The following DAB1 variants were observed in gnomAD, a reference collection of about 807,000 sequenced individuals.
DAB1 encodes disabled homolog 1.
A neutral mutation model predicts 64.6 loss-of-function variants in DAB1; 15 were observed. The observed-to-expected ratio is 0.23, with a 90% confidence interval of 0.16 to 0.36. DAB1 has a LOEUF of 0.36. Among genes scored for constraint, DAB1 ranks in the 10% least tolerant of loss-of-function variants. DAB1 has a pLI of 1.00. For missense variants in DAB1, 596 were observed against 706.7 expected (o/e 0.84, Z 1.78); for synonymous variants, 235 against 251.9 (o/e 0.93, Z 0.64).
At chr1:57,013,617 A>G (rs2100314752) in intron 12 of DAB1, among the ~76,000 whole-genome samples, 1 of 152,270 alleles carries the variant, frequency 6.6e-6, no homozygotes, top group South Asian at 2.1e-4. Flanking sequence ...TATTAACATT[A>G]GGGGTGTTTT....
intron 5 of DAB1, among the ~76,000 whole-genome samples, chr1:57,993,382 G>A (rs1245537840): frequency 6.6e-6 from 1 of 152,174 alleles, no homozygotes; most frequent in Non-Finnish European, 1.5e-5. Flanking sequence ...ATATTTAAAT[G>A]CAGTCCATCA....
chr1:57,748,066 C>A (rs1330381175), intron 6 of DAB1, among the ~76,000 whole-genome samples: 1 of 152,116 alleles, frequency 6.6e-6, no homozygotes, highest in Non-Finnish European at 1.5e-5. Context: ...CTGCTCAAGG[C>A]AATTTACAGA....
intron 6 of DAB1, among the ~76,000 whole-genome samples, chr1:57,715,788 C>T (rs1647077080): frequency 6.6e-6 from 1 of 152,022 alleles, no homozygotes. Flanking sequence ...TTGAAGTAGA[C>T]ACAAATAAAT....
chr1:58,538,684 AAAGT>A (rs1419910719), intron 1 of DAB1: 1 of 546,084 alleles, frequency 1.8e-6, no homozygotes, highest in African/African-American at 1.9e-5. Flanking sequence ...GGTTTCTTTA[AAAGT>A]ACAGTTTTAT....
intron 4 of DAB1, among the ~76,000 whole-genome samples, chr1:58,150,953 T>G (rs1316091148): frequency 6.6e-6 from 1 of 152,204 alleles, no homozygotes; most frequent in Admixed American, 6.5e-5. Flanking sequence ...TTTGGTTTTT[T>G]GTCCTTGCGA....
chr1:57,009,310 A>G (rs1557529630), intron 14 of DAB1, among the ~76,000 whole-genome samples: 1 of 152,204 alleles, frequency 6.6e-6, no homozygotes, highest in Non-Finnish European at 1.5e-5. Flanking sequence ...TGCTTTCAAT[A>G]TATCAACTCC....
chr1:58,492,516 T>G (rs1205970208), intron 3 of DAB1, among the ~76,000 whole-genome samples: 1 of 151,978 alleles, frequency 6.6e-6, no homozygotes, highest in South Asian at 2.1e-4. Context: ...GATAGACCAC[T>G]AGCAAGACTA....
chr1:57,253,313 G>A (rs1247599842), intron 2 of DAB1, among the ~76,000 whole-genome samples: 2 of 152,170 alleles, frequency 1.3e-5, no homozygotes, highest in South Asian at 4.1e-4. Flanking sequence ...AGGACTCCAG[G>A]TATAGACCTG....
intron 1 of DAB1, among the ~76,000 whole-genome samples, chr1:57,404,081 T>G (rs1227696300): frequency 6.6e-6 from 1 of 152,014 alleles, no homozygotes; most frequent in African/African-American, 2.4e-5. Flanking sequence ...AGTGTTAAGA[T>G]ACGCATCAAA....
chr1:57,780,051 A>G (rs1259964088), intron 6 of DAB1, among the ~76,000 whole-genome samples: 1 of 152,182 alleles, frequency 6.6e-6, no homozygotes, highest in East Asian at 1.9e-4. Flanking sequence ...TTTTGGGCTC[A>G]GCTAGATTAT....
chr1:58,525,488 A>C lies in DAB1; in HGVS notation n.107+1773T>G, dbSNP rs369018922. 7.2e-5 allele frequency among the ~76,000 whole-genome samples: 11 copies of C among 152,276 alleles called. No homozygotes were observed. In the East Asian group the frequency reaches 1.9e-3, roughly 27 times the overall value. ...AATGACACTATTTATCATGACATCA[A>C]ACACTTAGCAATAAATCTAACAAAA... On this transcript the variant is annotated intron_variant and non_coding_transcript_variant, in intron 2 of 20. Coordinates refer to the DAB1 transcript ENST00000485760.
At chr1:57,702,793 C>A (rs973140076) in intron 6 of DAB1, among the ~76,000 whole-genome samples, 1 of 152,084 alleles carries the variant, frequency 6.6e-6, no homozygotes, top group Non-Finnish European at 1.5e-5. Context: ...TCAAACTATA[C>A]CACAGGGCTA....
chr1:58,324,954 A>G (rs1246032720), intron 4 of DAB1, among the ~76,000 whole-genome samples: 1 of 152,242 alleles, frequency 6.6e-6, no homozygotes, highest in East Asian at 1.9e-4. Context: ...GGACACCACC[A>G]ACATGACTAA....
intron 3 of DAB1, among the ~76,000 whole-genome samples, chr1:58,397,797 C>T (rs1644535412): frequency 6.6e-6 from 1 of 152,204 alleles, no homozygotes; most frequent in South Asian, 2.1e-4. Context: ...ATTTGATCTC[C>T]TTAACATGTC....
chr1:57,783,693 G>A (rs1368824420), intron 6 of DAB1, among the ~76,000 whole-genome samples: 1 of 152,126 alleles, frequency 6.6e-6, no homozygotes, highest in African/African-American at 2.4e-5. Context: ...CTTCGTGTCT[G>A]TGTCCCATTT....
chr1:58,427,361 G>C (rs181971389), intron 3 of DAB1, among the ~76,000 whole-genome samples: 1 of 152,298 alleles, frequency 6.6e-6, no homozygotes, highest in East Asian at 1.9e-4. Flanking sequence ...GGCCTTGACA[G>C]TGTTGATCTT....
At chr1:57,843,721 CT>C (rs763313890) in intron 1 of DAB1, among the ~76,000 whole-genome samples, 11 of 152,276 alleles carry the variant, frequency 7.2e-5, no homozygotes, top group Non-Finnish European at 1.6e-4. Context: ...ATTACCCTGG[CT>C]TTCCCCCATG....
chr1:58,160,518 G>A (rs1157812877), intron 4 of DAB1, among the ~76,000 whole-genome samples: 7 of 152,042 alleles, frequency 4.6e-5, no homozygotes, highest in Non-Finnish European at 1.0e-4. Context: ...CATGAACTTG[G>A]GCTGAGTTGC....
At chr1:58,094,531 T>C (rs1235558127) in intron 5 of DAB1, among the ~76,000 whole-genome samples, 1 of 152,200 alleles carries the variant, frequency 6.6e-6, no homozygotes, top group Non-Finnish European at 1.5e-5. Flanking sequence ...CTGACAGCCT[T>C]GGTCAAAATC....
Sources: allele counts gnomAD v4.1 joint callset (sites outside exome capture counted in the v4.1 genomes callset), GRCh38; gene constraint gnomAD v4.1.1; transcripts MANE v1.5; gene names NCBI Gene and HGNC (gene_info 2026-07-23, HGNC 2026-07-21).